Variants in AOAH observed in about 807,000 individuals in gnomAD.
The protein encoded by AOAH is acyloxyacyl hydrolase, also known as acyloxyacyl hydrolase (neutrophil).
Under a neutral mutation model 92.2 loss-of-function variants are expected in AOAH, and 64 were observed. The observed-to-expected ratio is 0.69, with a 90% CI of 0.57 to 0.86. The LOEUF (loss-of-function observed/expected upper bound fraction) is 0.86, where lower values mean the gene tolerates loss of function less well. AOAH is among the 40% of genes least tolerant of loss of function. The pLI is 0.00. For synonymous variants in AOAH, 263 were observed against 254.5 expected, an observed-to-expected ratio of 1.03 and a Z score of -0.32; for missense variants, 656 against 694.6, an observed-to-expected ratio of 0.94 and a Z score of 0.62.
chr7:36,683,391 T>C (rs989406481), intron 2 of AOAH, among the ~76,000 whole-genome samples: 2 of 152,082 alleles, frequency 1.3e-5, no homozygotes, highest in Non-Finnish European at 2.9e-5. Context: ...CAGCTAAGAC[T>C]AAATGAGGGT....
At chr7:36,594,952 G>C (rs1366087207) in intron 11 of AOAH, among the ~76,000 whole-genome samples, 1 of 152,060 alleles carries the variant, frequency 6.6e-6, no homozygotes, top group Non-Finnish European at 1.5e-5. Context: ...AAAAATGCAC[G>C]TGTATTTAAC....
At chr7:36,541,643 G>A (rs544176033) in intron 15 of AOAH, among the ~76,000 whole-genome samples, 8 of 152,308 alleles carry the variant, frequency 5.3e-5, no homozygotes, top group Non-Finnish European at 8.8e-5. Flanking sequence ...AAACCTCAGC[G>A]TCGTACAATA....
intron 3 of AOAH, among the ~76,000 whole-genome samples, chr7:36,667,075 GTTGA>G (rs1205474577): frequency 6.6e-6 from 1 of 152,134 alleles, no homozygotes; most frequent in Non-Finnish European, 1.5e-5. Flanking sequence ...ATTATATCTG[GTTGA>G]TTGATAGTGT....
At chr7:36,701,541 T>C (rs890452018) in intron 1 of AOAH, among the ~76,000 whole-genome samples, 76 of 151,428 alleles carry the variant, frequency 5.0e-4, no homozygotes, top group African/African-American at 1.7e-3. Context: ...TTTTTCATTA[T>C]GAAATATACC....
intron 12 of AOAH, among the ~76,000 whole-genome samples, chr7:36,588,528 G>A (rs760680760): frequency 2.0e-5 from 3 of 152,180 alleles, no homozygotes; most frequent in African/African-American, 4.8e-5. Context: ...TGTAATTTGC[G>A]AATAATGGAT....
intron 11 of AOAH, among the ~76,000 whole-genome samples, chr7:36,601,873 G>A (rs1358680798): frequency 1.3e-5 from 2 of 152,082 alleles, no homozygotes; most frequent in Non-Finnish European, 2.9e-5. Context: ...AAAACCTCAG[G>A]GCTAAATTCA....
At chr7:36,517,296 C>G (rs984223073) in intron 20 of AOAH, among the ~76,000 whole-genome samples, 1 of 133,778 alleles carries the variant, frequency 7.5e-6, no homozygotes, top group African/African-American at 2.9e-5. Context: ...TTCTTTCTTT[C>G]CTTTCTTCTT....
chr7:36,681,048 G>A (rs772720196), intron 2 of AOAH, among the ~76,000 whole-genome samples: 16 of 152,066 alleles, frequency 1.1e-4, no homozygotes, highest in African/African-American at 2.7e-4. Flanking sequence ...ATTTTTAGTC[G>A]GTCGTTCACC....
intron 3 of AOAH, among the ~76,000 whole-genome samples, chr7:36,669,589 G>A (rs1423097759): frequency 6.6e-6 from 1 of 151,846 alleles, no homozygotes; most frequent in African/African-American, 2.4e-5. Flanking sequence ...CACCATGTTG[G>A]TTAGGTTGAT....
chr7:36,603,693 A>G (rs1435415779), intron 11 of AOAH, among the ~76,000 whole-genome samples: 3 of 152,188 alleles, frequency 2.0e-5, no homozygotes, highest in Non-Finnish European at 4.4e-5. Context: ...TAGTTTACAA[A>G]AGCAGGGAGG....
intron 4 of AOAH, among the ~76,000 whole-genome samples, chr7:36,654,535 C>T (rs543238425): frequency 1.3e-5 from 2 of 152,118 alleles, no homozygotes; most frequent in East Asian, 1.9e-4. Flanking sequence ...AACTTTTGGC[C>T]TCACTGAAGC....
At chr7:36,684,525 A>G (rs1475235062) in intron 2 of AOAH, among the ~76,000 whole-genome samples, 2 of 152,202 alleles carry the variant, frequency 1.3e-5, no homozygotes, top group African/African-American at 4.8e-5. Context: ...TTATATGTCA[A>G]TTAATAAATA....
At chr7:36,562,120 G>A (rs1787318984) in intron 13 of AOAH, among the ~76,000 whole-genome samples, 1 of 152,092 alleles carries the variant, frequency 6.6e-6, no homozygotes, top group South Asian at 2.1e-4. Context: ...TGTTTTTTGA[G>A]ATTATGTAAT....
chr7:36,565,874 G>A (rs1238631020), intron 13 of AOAH, among the ~76,000 whole-genome samples: 1 of 152,048 alleles, frequency 6.6e-6, no homozygotes, highest in Non-Finnish European at 1.5e-5. Flanking sequence ...ATAGAACAAT[G>A]AGGACAATCA....
In AOAH at chr7:36,555,642, G is replaced by T. The variant is rs537229571; in HGVS notation, c.1022-6167C>A. Among the ~76,000 whole-genome samples, 231 of 152,072 alleles carry T rather than the reference G, an allele frequency of 1.5e-3. 2 individuals carry two copies. The highest frequency in any genetic ancestry group is 0.01 in the South Asian group (50 of 4,812). ...GACTCTTTTTGGTTGGTAAGCTATT[G>T]ATTATTGCCACAATTTCAGCTCCTG... On this transcript the variant is annotated intron_variant, in intron 13 of 20. Transcript: ENST00000617537.
At chr7:36,655,833 T>C (rs1232590799) in intron 4 of AOAH, among the ~76,000 whole-genome samples, 1 of 151,886 alleles carries the variant, frequency 6.6e-6, no homozygotes, top group East Asian at 1.9e-4. Flanking sequence ...CTTCCTGGAG[T>C]TCAGAGGATA....
intron 1 of AOAH, among the ~76,000 whole-genome samples, chr7:36,698,617 T>C (rs1359001979): frequency 6.6e-6 from 1 of 152,168 alleles, no homozygotes; most frequent in Non-Finnish European, 1.5e-5. Context: ...TAATATATTA[T>C]GTTTTCATTT....
intron 2 of AOAH, among the ~76,000 whole-genome samples, chr7:36,678,695 C>T (rs1201811654): frequency 1.3e-5 from 2 of 151,722 alleles, no homozygotes; most frequent in South Asian, 4.2e-4. Context: ...GAATAGTTTC[C>T]GGTAGTCTTC....
At chr7:36,621,068 C>G (rs1792244596) in intron 8 of AOAH, among the ~76,000 whole-genome samples, 1 of 152,174 alleles carries the variant, frequency 6.6e-6, no homozygotes, top group South Asian at 2.1e-4. Context: ...CGGACCAAAT[C>G]CTGTCTTTTT....
Sources: allele counts gnomAD v4.1 joint callset (sites outside exome capture counted in the v4.1 genomes callset), GRCh38; gene constraint gnomAD v4.1.1; transcripts MANE v1.5; gene names NCBI Gene and HGNC (gene_info 2026-07-23, HGNC 2026-07-21).